The following VCF1 variants were observed in gnomAD, a reference collection of about 807,000 sequenced individuals.
VCF1 encodes the protein VCP nuclear cofactor family member 1, also known as protein VCF1.
chr17:73,212,801 A>C, the VCF1 span: 2 of 1,300,076 alleles, frequency 1.5e-6, no homozygotes, highest in South Asian at 2.6e-5. Flanking sequence ...ATCTCAAATT[A>C]TATCTATTTC....
chr17:73,231,282 A>T, the VCF1 span, among the ~76,000 whole-genome samples: 2 of 152,230 alleles, frequency 1.3e-5, no homozygotes, highest in Non-Finnish European at 2.9e-5. Flanking sequence ...TTCTGAGGTA[A>T]CCTTTCCCAA....
the VCF1 span, chr17:73,227,879 G>A: frequency 0.51 from 81,113 of 160,202 alleles, 20,709 homozygotes; most frequent in East Asian, 0.6. Context: ...AAGTGTTCTC[G>A]GACATGCAAG....
At chr17:73,225,867 A>AATATATATATATAATATATAT in the VCF1 span, among the ~76,000 whole-genome samples, 1 of 110,688 alleles carries the variant, frequency 9.0e-6, no homozygotes, top group Admixed American at 9.9e-5. Flanking sequence ...ATAGGAAAAA[A>AATATATATATATAATATATAT]ATATATATAT....
the VCF1 span, among the ~76,000 whole-genome samples, chr17:73,226,219 G>A: frequency 6.6e-6 from 1 of 152,064 alleles, no homozygotes. Context: ...ATTTGAAGAG[G>A]AAAAACAGCT....
At chr17:73,210,442 A>G in the VCF1 span, among the ~76,000 whole-genome samples, 1 of 150,994 alleles carries the variant, frequency 6.6e-6, no homozygotes, top group African/African-American at 2.4e-5. Flanking sequence ...CATCTTGGAG[A>G]GGCTACTCGG....
At chr17:73,229,025 A>G in the VCF1 span, among the ~76,000 whole-genome samples, 1 of 152,234 alleles carries the variant, frequency 6.6e-6, no homozygotes, top group Non-Finnish European at 1.5e-5. Context: ...TCCAGGGACA[A>G]GACTATGAAT....
At chr17:73,232,008 C>T in the VCF1 span, 2 of 1,447,100 alleles carry the variant, frequency 1.4e-6, no homozygotes, top group Admixed American at 4.6e-5. Context: ...TTGCTCCGAC[C>T]CCCATTTCGC....
At chr17:73,227,269 A>T in the VCF1 span, 2 of 1,550,750 alleles carry the variant, frequency 1.3e-6, no homozygotes, top group Non-Finnish European at 1.7e-6. Flanking sequence ...CTTTTCCTGA[A>T]ATTAAATCAC....
the VCF1 span, chr17:73,229,175 A>G: frequency 1.0e-6 from 1 of 985,424 alleles, no homozygotes; most frequent in Non-Finnish European, 1.2e-6. Flanking sequence ...CACCAGAATA[A>G]TCTCTTTGGC....
chr17:73,222,957 G>A, the VCF1 span, among the ~76,000 whole-genome samples: 3 of 152,106 alleles, frequency 2.0e-5, no homozygotes, highest in Non-Finnish European at 4.4e-5. Flanking sequence ...TACTAGCTGT[G>A]TTCTTTGGAC....
the VCF1 span, among the ~76,000 whole-genome samples, chr17:73,231,713 T>C: frequency 1.3e-5 from 2 of 152,118 alleles, no homozygotes; most frequent in Non-Finnish European, 2.9e-5. Context: ...ACAAAAGCCT[T>C]TGGGGGCTCC....
At chr17:73,223,797 C>G in the VCF1 span, among the ~76,000 whole-genome samples, 1 of 150,802 alleles carries the variant, frequency 6.6e-6, no homozygotes, top group Non-Finnish European at 1.5e-5. Context: ...CTGGGCAACA[C>G]AGCAAGACCC....
At chr17:73,231,349 A>G in the VCF1 span, among the ~76,000 whole-genome samples, 1 of 152,164 alleles carries the variant, frequency 6.6e-6, no homozygotes, top group African/African-American at 2.4e-5. Flanking sequence ...AAATTAAGAA[A>G]TCCCAACTTA....
chr17:73,210,929 G>C, the VCF1 span, among the ~76,000 whole-genome samples: 1 of 151,982 alleles, frequency 6.6e-6, no homozygotes, highest in Non-Finnish European at 1.5e-5. Context: ...TTTTACTATT[G>C]CATTTCTAAT....
chr17:73,222,933 C>A, the VCF1 span, among the ~76,000 whole-genome samples: 1 of 152,184 alleles, frequency 6.6e-6, no homozygotes, highest in East Asian at 1.9e-4. Context: ...GGGCTCCGTT[C>A]CTCCTCTGCC....
chr17:73,208,786 A>T, the VCF1 span: 1 of 379,676 alleles, frequency 2.6e-6, no homozygotes, highest in South Asian at 2.2e-5. Context: ...ATTACATATT[A>T]CTTTACTTGC....
chr17:73,225,897 ATATT>A, the VCF1 span, among the ~76,000 whole-genome samples: 5 of 72,416 alleles, frequency 6.9e-5, no homozygotes, highest in African/African-American at 2.2e-4. Flanking sequence ...ATATATATAT[ATATT>A]TTTTTTTTTT....
At chr17:73,208,944 G>A in the VCF1 span, 1 of 257,826 alleles carries the variant, frequency 3.9e-6, no homozygotes, top group Non-Finnish European at 7.6e-6. Flanking sequence ...TTATTAGGGA[G>A]TGTGCTTCAC....
chr17:73,215,224 A>G, the VCF1 span, among the ~76,000 whole-genome samples: 3 of 152,240 alleles, frequency 2.0e-5, no homozygotes, highest in African/African-American at 7.2e-5. Flanking sequence ...AACCGCAGAC[A>G]TCTGGGTAAG....
Sources: allele counts gnomAD v4.1 joint callset (sites outside exome capture counted in the v4.1 genomes callset), GRCh38; gene constraint gnomAD v4.1.1; transcripts MANE v1.5; gene names NCBI Gene and HGNC (gene_info 2026-07-23, HGNC 2026-07-21).